PTPRT: variants seen among roughly 807,000 people sequenced by gnomAD.
PTPRT encodes the protein protein tyrosine phosphatase receptor type T, also known as receptor-type tyrosine-protein phosphatase T.
Under a neutral mutation model 176.8 loss-of-function variants are expected in PTPRT, and 56 were observed. The ratio of observed to expected loss-of-function variants is 0.32; its 90% CI spans 0.26 to 0.40. The LOEUF (loss-of-function observed/expected upper bound fraction) is 0.40. Among genes scored for constraint, PTPRT ranks in the 10% least tolerant of loss-of-function variants. PTPRT has a pLI of 1.00. For synonymous variants in PTPRT, 783 were observed against 739.0 expected (o/e 1.06, Z -0.96); for missense variants, 1,540 against 1,908.2 (o/e 0.81, Z 3.60).
chr20:42,581,723 A>G (rs2073376167), intron 7 of PTPRT, among the ~76,000 whole-genome samples: 1 of 152,222 alleles, frequency 6.6e-6, no homozygotes, highest in Admixed American at 6.5e-5. Context: ...TGGGAAGAGA[A>G]AATTGCATTG....
chr20:42,177,254 C>T (rs1464500847), intron 16 of PTPRT, among the ~76,000 whole-genome samples: 1 of 152,080 alleles, frequency 6.6e-6, no homozygotes, highest in Non-Finnish European at 1.5e-5. Flanking sequence ...ATGGACCACA[C>T]CTTGAGTAGT....
At chr20:43,187,582 A>C (rs935923910) in intron 1 of PTPRT, among the ~76,000 whole-genome samples, 2 of 152,064 alleles carry the variant, frequency 1.3e-5, no homozygotes, top group Admixed American at 6.6e-5. Context: ...CTTAGAATGC[A>C]CCAGTTCTCC....
rs1301700897 is a variant in PTPRT, at chr20:43,032,473, T to TTAA, written c.89-146542_89-146541insTTA. On this transcript the variant is annotated intron_variant, in intron 1 of 30. Transcript: ENST00000373187. ...CACCCACTGTCCCAAATCTTTTCAT[T>TTAA]AAAAAAAAAAAAAAAAAACAGTGGC... 4.1e-3 allele frequency among the ~76,000 whole-genome samples: 497 copies of TTAA among 121,660 alleles called. 4 individuals are homozygous for TTAA. Among genetic ancestry groups the TTAA allele is most frequent in the African/African-American group, 0.015 (489 of 33,390 alleles). The allele number at this position is 121,660 out of a possible 152,430, so 79.8% of individuals were successfully genotyped here. A position where few individuals can be genotyped will look rare whatever the true frequency, so the allele number is the denominator to read the frequency against.
chr20:43,015,387 G>A (rs973972237), intron 1 of PTPRT, among the ~76,000 whole-genome samples: 2 of 152,194 alleles, frequency 1.3e-5, no homozygotes, highest in Non-Finnish European at 2.9e-5. Flanking sequence ...TCCATTCTTT[G>A]TGCTTTTCTT....
At chr20:42,060,009 T>C in the PTPRT span, among the ~76,000 whole-genome samples, 2 of 152,124 alleles carry the variant, frequency 1.3e-5, no homozygotes, top group Non-Finnish European at 2.9e-5. Flanking sequence ...AAAATAATAA[T>C]TTACACTTGC....
chr20:43,035,853 T>C (rs1422556033), intron 1 of PTPRT, among the ~76,000 whole-genome samples: 2 of 152,214 alleles, frequency 1.3e-5, no homozygotes, highest in Non-Finnish European at 2.9e-5. Context: ...TAAAGCACCA[T>C]TATTCAAAAT....
chr20:42,345,212 T>C (rs975869653), intron 11 of PTPRT, among the ~76,000 whole-genome samples: 28 of 152,006 alleles, frequency 1.8e-4, no homozygotes, highest in African/African-American at 6.3e-4. Flanking sequence ...AACATCAGTT[T>C]CCTAGTTGTA....
chr20:42,643,908 G>A (rs183050473), intron 7 of PTPRT, among the ~76,000 whole-genome samples: 1 of 151,370 alleles, frequency 6.6e-6, no homozygotes, highest in Non-Finnish European at 1.5e-5. Flanking sequence ...CTGAGCTTAT[G>A]GCTCCTTCTC....
At chr20:42,348,881 C>T (rs2058235527) in intron 11 of PTPRT, among the ~76,000 whole-genome samples, 1 of 152,118 alleles carries the variant, frequency 6.6e-6, no homozygotes, top group African/African-American at 2.4e-5. Context: ...ACTTTCATCC[C>T]CTTATCCCTC....
chr20:42,514,423 G>T (rs1369505500), intron 7 of PTPRT, among the ~76,000 whole-genome samples: 1 of 149,688 alleles, frequency 6.7e-6, no homozygotes, highest in Non-Finnish European at 1.5e-5. Context: ...CATTTTCTTT[G>T]TTCACGCTTT....
At chr20:42,846,752 G>A (rs919711637) in intron 2 of PTPRT, among the ~76,000 whole-genome samples, 1 of 152,150 alleles carries the variant, frequency 6.6e-6, no homozygotes, top group Non-Finnish European at 1.5e-5. Context: ...TCTGAAGTGG[G>A]GAGCTCTGGA....
chr20:43,120,334 C>T (rs1032043373), intron 1 of PTPRT, among the ~76,000 whole-genome samples: 4 of 151,580 alleles, frequency 2.6e-5, no homozygotes, highest in Non-Finnish European at 4.4e-5. Flanking sequence ...TGCAGTGGCG[C>T]GACCTCGGCT....
At position 42,662,521 on chromosome 20, in the gene PTPRT, G is replaced by A. The variant is rs117273927; in HGVS notation, c.1153+15345C>T. ...ATAGGTTTGCAGGCAAAGTCAGTGG[G>A]GTAAGCCTTGCAGAGCATTATTAGC... is the stretch of plus-strand genomic sequence containing the variant. On this transcript the variant is annotated intron_variant, in intron 7 of 30. Transcript: ENST00000373187. Among the ~76,000 whole-genome samples the A allele has an allele frequency of 5.0e-4, 76 of 152,190 alleles. 3 individuals carry two copies. The East Asian group carries it at 0.014, about 29-fold the overall frequency.
chr20:43,089,561 C>T (rs62205303), intron 1 of PTPRT, among the ~76,000 whole-genome samples: 11,947 of 152,276 alleles, frequency 0.078, 578 homozygotes, highest in South Asian at 0.12. Flanking sequence ...CATAAAATCA[C>T]TGTGAACTGA....
chr20:42,279,941 C>A (rs1206756916), intron 13 of PTPRT, among the ~76,000 whole-genome samples: 1 of 152,136 alleles, frequency 6.6e-6, no homozygotes, highest in Non-Finnish European at 1.5e-5. Context: ...GGATGCCCTC[C>A]ATCAGACCCA....
rs1448127289 is a variant in PTPRT at position 42,248,724 on chromosome 20, T to C, written c.2275A>G (p.Ile759Val). 1.1e-5 allele frequency: 18 copies of C among 1,613,994 alleles called. No individual in the cohort carries two copies. The highest frequency in any genetic ancestry group is 2.2e-5 in the East Asian group (1 of 44,868). ...GVIAGLLMFI[I>V]ILLGVMLTIK... ...GTGAGCATCACGCCCAGGAGAATGA[T>C]GATGAACATGAGGAGGCCAGCGATC... The change falls in exon 14 of 31, where the codon ATC becomes GTC. Residue 759 changes from isoleucine to valine, a missense_variant. Around this residue, in one of 11 missense-constraint regions of PTPRT, gnomAD observed 255 missense variants for 250.1 expected, o/e 1.02. Coordinates refer to ENST00000373187, the MANE Select transcript of PTPRT (RefSeq NM_007050.6).
intron 7 of PTPRT, among the ~76,000 whole-genome samples, chr20:42,669,406 T>C (rs2075375649): frequency 1.3e-5 from 2 of 152,064 alleles, no homozygotes; most frequent in Non-Finnish European, 2.9e-5. Flanking sequence ...GGATAGTGAG[T>C]CCATTTTCAT....
At chr20:42,323,668 G>A (rs951946476) in intron 11 of PTPRT, among the ~76,000 whole-genome samples, 9 of 151,920 alleles carry the variant, frequency 5.9e-5, no homozygotes, top group African/African-American at 1.7e-4. Context: ...GCTAAATGAC[G>A]AGTTAATGGG....
At chr20:42,283,985 C>T (rs2057184692) in intron 12 of PTPRT, among the ~76,000 whole-genome samples, 1 of 152,016 alleles carries the variant, frequency 6.6e-6, no homozygotes, top group Non-Finnish European at 1.5e-5. Flanking sequence ...AGAAAGTCTG[C>T]TTTTGCTTGT....
Sources: gnomAD v4.1 joint callset for allele counts (sites outside exome capture counted in the v4.1 genomes callset) on GRCh38, gnomAD v4.1.1 for gene constraint, gnomAD v4.1.1 regional missense constraint, MANE v1.5 for transcripts, NCBI Gene and HGNC (gene_info 2026-07-23, HGNC 2026-07-21) for gene names.